The following ATXN1 variants were observed in gnomAD, a reference collection of about 807,000 sequenced individuals.
ATXN1 encodes the protein ataxin-1.
ATXN1 carries 8 observed loss-of-function variants against 56.4 expected under a neutral mutation model. That is an observed-to-expected ratio of 0.14 (90% CI 0.08 to 0.26). The LOEUF (loss-of-function observed/expected upper bound fraction) is 0.26. Among genes scored for constraint, ATXN1 ranks in the 10% least tolerant of loss-of-function variants. ATXN1 has a pLI of 1.00. For synonymous variants in ATXN1, 514 were observed against 494.6 expected, an observed-to-expected ratio of 1.04 and a Z score of -0.52; for missense variants, 987 against 1,106.5, an observed-to-expected ratio of 0.89 and a Z score of 1.53.
chr6:16,682,985 C>A (rs1758846145), intron 2 of ATXN1, among the ~76,000 whole-genome samples: 1 of 152,168 alleles, frequency 6.6e-6, no homozygotes, highest in Non-Finnish European at 1.5e-5. Context: ...TCAGGAAGAA[C>A]CTCAGAAACC....
At position 16,301,101 on chromosome 6, in the gene ATXN1, A is replaced by ATTTTT. The variant is rs1554135817; in HGVS notation, c.*5227_*5228insAAAAA. On this transcript the variant is annotated 3_prime_UTR_variant, in exon 8 of 8. Coordinates refer to ENST00000436367, the MANE Select transcript of ATXN1 (RefSeq NM_001128164.2). ...CCTTCTCTGCTTTTTTTTTTTTACA[A>ATTTTT]ACAAAGTATGAAACTCATTGTTTCA... 3.0e-5 allele frequency: 4 copies of ATTTTT among 131,918 alleles called. No individual in the cohort carries two copies. Among genetic ancestry groups the ATTTTT allele is most frequent in the South Asian group, 2.5e-4 (1 of 3,984 alleles). 8.2% of individuals were successfully genotyped at this position (131,918 alleles called of 1,614,324 possible). A position where few individuals can be genotyped will look rare whatever the true frequency, so the allele number is the denominator to read the frequency against.
intron 6 of ATXN1, among the ~76,000 whole-genome samples, chr6:16,404,810 G>C (rs928844204): frequency 6.6e-6 from 1 of 152,208 alleles, no homozygotes; most frequent in African/African-American, 2.4e-5. Context: ...GTCCGACTGA[G>C]AGCAAGGGGC....
chr6:16,553,314 C>A (rs1242277310), intron 4 of ATXN1, among the ~76,000 whole-genome samples: 1 of 152,162 alleles, frequency 6.6e-6, no homozygotes, highest in Non-Finnish European at 1.5e-5. Context: ...TTATTTCACC[C>A]CAAACCTCTC....
At chr6:16,676,435 G>C (rs1388952294) in intron 2 of ATXN1, among the ~76,000 whole-genome samples, 5 of 152,148 alleles carry the variant, frequency 3.3e-5, no homozygotes, top group Non-Finnish European at 7.4e-5. Flanking sequence ...ACTCTTTCTG[G>C]TATTAGCACT....
chr6:16,308,322 T>TCACACACACACACACACACACA lies in ATXN1; in HGVS notation c.1918-1485_1918-1464dup, dbSNP rs35291830. 1.1e-4 allele frequency among the ~76,000 whole-genome samples: 14 copies of TCACACACACACACACACACACA among 132,726 alleles called. 1 individual carries two copies. In the East Asian group the frequency reaches 1.9e-3, roughly 18 times the overall value. 87.1% of individuals were successfully genotyped at this position (132,726 alleles called of 152,430 possible). ...GCCTGGGCGACAGAGTGAAACTCCGTCACACACACACACACACACACACAC... is the reference window on the plus strand; with the variant it reads ...GCCTGGGCGACAGAGTGAAACTCCGTCACACACACACACACACACACACACACACACACACACACACACACAC... On this transcript the variant is annotated intron_variant, in intron 7 of 7. Coordinates refer to ENST00000436367, the MANE Select transcript of ATXN1 (RefSeq NM_001128164.2).
chr6:16,461,312 C>T (rs1056300470), intron 6 of ATXN1, among the ~76,000 whole-genome samples: 1 of 152,140 alleles, frequency 6.6e-6, no homozygotes, highest in African/African-American at 2.4e-5. Flanking sequence ...TACTCATATC[C>T]GAAGCCAGCC....
intron 3 of ATXN1, among the ~76,000 whole-genome samples, chr6:16,643,593 C>T (rs560428220): frequency 4.8e-4 from 67 of 139,060 alleles, no homozygotes; most frequent in Admixed American, 1.6e-3. Context: ...TGCACCACTG[C>T]ACTCCAGCCT....
chr6:16,727,981 GA>G (rs1000384305), intron 2 of ATXN1, among the ~76,000 whole-genome samples: 1 of 152,214 alleles, frequency 6.6e-6, no homozygotes, highest in African/African-American at 2.4e-5. Flanking sequence ...CTAAAATGGG[GA>G]AGCTGCAAGG....
intron 6 of ATXN1, among the ~76,000 whole-genome samples, chr6:16,473,388 CT>C (rs1760260832): frequency 6.6e-6 from 1 of 152,080 alleles, no homozygotes; most frequent in South Asian, 2.1e-4. Flanking sequence ...CTATTTTTGC[CT>C]TTTGAAAGAG....
intron 6 of ATXN1, among the ~76,000 whole-genome samples, chr6:16,481,078 G>A (rs1760429480): frequency 6.6e-6 from 1 of 152,198 alleles, no homozygotes; most frequent in Non-Finnish European, 1.5e-5. Flanking sequence ...GGGTGAAAGA[G>A]AAAACTCTAG....
intron 6 of ATXN1, among the ~76,000 whole-genome samples, chr6:16,472,143 C>T (rs1278138704): frequency 6.6e-6 from 1 of 152,148 alleles, no homozygotes; most frequent in African/African-American, 2.4e-5. Context: ...AAATAACACG[C>T]AGGTGGCAGC....
At chr6:16,682,371 AT>A (rs1758832744) in intron 2 of ATXN1, among the ~76,000 whole-genome samples, 1 of 151,630 alleles carries the variant, frequency 6.6e-6, no homozygotes, top group Non-Finnish European at 1.5e-5. Flanking sequence ...TAATTTTTGT[AT>A]TTTTAGTAAA....
chr6:16,593,512 A>G (rs1388597493), intron 3 of ATXN1, among the ~76,000 whole-genome samples: 1 of 152,138 alleles, frequency 6.6e-6, no homozygotes. Flanking sequence ...CGACCACCCT[A>G]TTTGAGAACT....
At chr6:16,370,499 T>C (rs1323023541) in intron 6 of ATXN1, among the ~76,000 whole-genome samples, 2 of 152,218 alleles carry the variant, frequency 1.3e-5, no homozygotes, top group African/African-American at 2.4e-5. Flanking sequence ...CTAATATTTC[T>C]AATGTACAAT....
At chr6:16,713,867 C>T (rs1266628512) in intron 2 of ATXN1, among the ~76,000 whole-genome samples, 1 of 152,204 alleles carries the variant, frequency 6.6e-6, no homozygotes, top group Non-Finnish European at 1.5e-5. Context: ...CAAATCTTAA[C>T]TGGTCCCTGG....
intron 2 of ATXN1, among the ~76,000 whole-genome samples, chr6:16,726,336 G>GC (rs1219125377): frequency 2.1e-5 from 3 of 143,866 alleles, no homozygotes; most frequent in African/African-American, 7.9e-5. Flanking sequence ...AGTCAAGATT[G>GC]CATCACTGCA....
chr6:16,548,571 C>T (rs532052714), intron 4 of ATXN1, among the ~76,000 whole-genome samples: 2 of 152,106 alleles, frequency 1.3e-5, no homozygotes, highest in East Asian at 3.9e-4. Context: ...TCTTTTATAT[C>T]TTTATTCAAT....
intron 5 of ATXN1, among the ~76,000 whole-genome samples, chr6:16,511,853 G>A (rs765172141): frequency 3.9e-5 from 6 of 152,202 alleles, no homozygotes; most frequent in Non-Finnish European, 7.4e-5. Context: ...GAGAATGAGC[G>A]GGAAGTGATT....
chr6:16,373,741 C>G (rs186076416), intron 6 of ATXN1, among the ~76,000 whole-genome samples: 150 of 152,304 alleles, frequency 9.8e-4, no homozygotes, highest in African/African-American at 3.4e-3. Flanking sequence ...GTAAGACATG[C>G]CTTTTGCCTT....
Sources: allele counts gnomAD v4.1 joint callset (sites outside exome capture counted in the v4.1 genomes callset), GRCh38; gene constraint gnomAD v4.1.1; transcripts MANE v1.5; gene names NCBI Gene and HGNC (gene_info 2026-07-23, HGNC 2026-07-21).